VPS13B: variants seen among roughly 807,000 people sequenced by gnomAD.
VPS13B encodes intermembrane lipid transfer protein VPS13B.
VPS13B carries 285 observed loss-of-function variants against 426.4 expected under a neutral mutation model. The ratio of observed to expected loss-of-function variants is 0.67; its 90% CI spans 0.61 to 0.74. VPS13B has a LOEUF of 0.74. VPS13B is among the 30% of genes least tolerant of loss of function. The pLI is 0.00. For missense variants in VPS13B, 4,537 were observed against 4,782.6 expected, an observed-to-expected ratio of 0.95 and a Z score of 1.51; for synonymous variants, 1,676 against 1,676.4, an observed-to-expected ratio of 1.00 and a Z score of 0.01.
chr8:99,155,612 T>G (rs1811321168), intron 14 of VPS13B, among the ~76,000 whole-genome samples: 1 of 152,220 alleles, frequency 6.6e-6, no homozygotes, highest in African/African-American at 2.4e-5. Context: ...GTTTTAAAAT[T>G]ATTAGTAATG....
chr8:99,817,480 CAT>C, intron 44 of VPS13B, 58 bp from the exon 45 acceptor site: 1 of 1,586,462 alleles, frequency 6.3e-7, no homozygotes, highest in Non-Finnish European at 8.7e-7. Context: ...TGAATGATAA[CAT>C]ATTTCCAGTT....
chr8:99,534,506 T>C (rs1164217343), intron 30 of VPS13B, among the ~76,000 whole-genome samples: 1 of 152,212 alleles, frequency 6.6e-6, no homozygotes, highest in Non-Finnish European at 1.5e-5. Context: ...CTTTCTAATA[T>C]ATTTTGGTTA....
chr8:99,661,321 C>T lies in VPS13B; in HGVS notation c.5909-33C>T, dbSNP rs748894818. The T allele has an allele frequency of 2.1e-5, 34 of 1,612,562 alleles. No homozygotes were observed. The Admixed American group carries it at 5.7e-4, about 27-fold the overall frequency. On this transcript the variant is annotated intron_variant, in intron 34 of 61. Coordinates refer to ENST00000357162, the MANE Select transcript of VPS13B (RefSeq NM_152564.5). ...TCAAAATGAGATATTTGTGATGTAACTGATGTTTTTAATTTCAATTTTGTC... is the reference window on the plus strand; with the variant it reads ...TCAAAATGAGATATTTGTGATGTAATTGATGTTTTTAATTTCAATTTTGTC...
chr8:99,819,518 G>C lies in VPS13B; in HGVS notation c.8728G>C (p.Glu2910Gln). 6.2e-6 allele frequency: 10 copies of C among 1,613,800 alleles called. No homozygotes were observed. The highest frequency in any genetic ancestry group is 8.5e-6 in the Non-Finnish European group (10 of 1,179,882). The change falls in exon 48 of 62, where the codon GAA becomes CAA. Residue 2910 changes from glutamate to glutamine, a missense_variant. Physicochemically the swap from Glu to Gln is conservative, Grantham distance 29. Around this residue, in one of 2 missense-constraint regions of VPS13B, gnomAD observed 4,311 missense variants for 4,474.3 expected, o/e 0.96. Transcript: ENST00000357162. ...AGGCACAGTTAATCAGATCCTTGAC[G>C]AATTCTATGGGCCAGAAAAGTCGCT... ...PGGTVNQILD[E>Q]FYGPEKSLQP...
intron 19 of VPS13B, among the ~76,000 whole-genome samples, chr8:99,289,614 G>T (rs990686046): frequency 6.6e-6 from 1 of 152,066 alleles, no homozygotes; most frequent in Non-Finnish European, 1.5e-5. Flanking sequence ...GAAATAATGA[G>T]CTGTAGTTGA....
intron 8 of VPS13B, among the ~76,000 whole-genome samples, chr8:99,128,107 T>C (rs912695987): frequency 2.6e-5 from 4 of 152,030 alleles, no homozygotes; most frequent in Non-Finnish European, 4.4e-5. Flanking sequence ...AAAGGTTTGT[T>C]GGGCTGGGCA....
At position 99,635,700 on chromosome 8, in the gene VPS13B, T is replaced by C. The variant is rs191171680; in HGVS notation, c.5221-6111T>C. 6.6e-5 allele frequency among the ~76,000 whole-genome samples: 10 copies of C among 152,106 alleles called. No homozygotes were observed. In the East Asian group the frequency reaches 1.9e-3, roughly 29 times the overall value. Reference sequence around the variant, plus strand: ...AGCATCCATTTATTTGCAACATTTTTATTAATGAGCTGACATTTGAATATG... The same window carrying C: ...AGCATCCATTTATTTGCAACATTTTCATTAATGAGCTGACATTTGAATATG... On this transcript the variant is annotated intron_variant, in intron 33 of 61. Transcript: ENST00000357162.
chr8:99,556,283 T>C (rs959961249), intron 30 of VPS13B, among the ~76,000 whole-genome samples, 167 bp from the exon 31 acceptor site: 1 of 152,150 alleles, frequency 6.6e-6, no homozygotes, highest in Non-Finnish European at 1.5e-5. Context: ...AGTCATAATA[T>C]GTACTAACTT....
chr8:99,737,030 A>G (rs974410988), intron 39 of VPS13B, among the ~76,000 whole-genome samples: 1 of 146,116 alleles, frequency 6.8e-6, no homozygotes, highest in African/African-American at 2.5e-5. Context: ...AGGGATGGAT[A>G]TATACTTGTA....
intron 35 of VPS13B, among the ~76,000 whole-genome samples, chr8:99,662,366 A>C (rs913069608): frequency 5.9e-5 from 9 of 151,744 alleles, no homozygotes; most frequent in African/African-American, 1.9e-4. Context: ...TTGTTTTGTT[A>C]TTTTGTAGTT....
chr8:99,819,356 T>A, intron 47 of VPS13B, 56 bp from the exon 48 acceptor site: 2 of 1,589,288 alleles, frequency 1.3e-6, no homozygotes, highest in Non-Finnish European at 1.7e-6. Flanking sequence ...TTCAATAAAT[T>A]ATATACCACT....
chr8:99,647,590 AG>A (rs1829638468), intron 34 of VPS13B, among the ~76,000 whole-genome samples: 2 of 150,022 alleles, frequency 1.3e-5, no homozygotes, highest in Non-Finnish European at 1.5e-5. Context: ...AAAAAAAAAA[AG>A]GTTTAATAAT....
chr8:99,837,094 C>T (rs1038034381), intron 54 of VPS13B, among the ~76,000 whole-genome samples: 1 of 152,110 alleles, frequency 6.6e-6, no homozygotes, highest in Non-Finnish European at 1.5e-5. Context: ...CATTAAAGCT[C>T]CTGTGAAGTG....
intron 43 of VPS13B, among the ~76,000 whole-genome samples, chr8:99,808,508 C>CAAAAAAAAAAAAAAAAAAAAAAA (rs758638504): frequency 1.5e-5 from 1 of 64,944 alleles, no homozygotes; most frequent in Non-Finnish European, 3.2e-5. Flanking sequence ...GAGCGAGACT[C>CAAAAAAAAAAAAAAAAAAAAAAA]AAAAAAAAAA....
chr8:99,693,011 T>C (rs894361000), intron 35 of VPS13B, among the ~76,000 whole-genome samples: 10 of 146,550 alleles, frequency 6.8e-5, no homozygotes, highest in Non-Finnish European at 1.3e-4. Flanking sequence ...GTTGAATCTC[T>C]GAATAGACCA....
chr8:99,431,282 A>G (rs917891818), intron 21 of VPS13B, among the ~76,000 whole-genome samples: 1 of 152,224 alleles, frequency 6.6e-6, no homozygotes, highest in Non-Finnish European at 1.5e-5. Flanking sequence ...ATCACTTCAC[A>G]AGTCTACCTT....
At chr8:99,584,218 T>C (rs570638547) in intron 33 of VPS13B, among the ~76,000 whole-genome samples, 2 of 152,334 alleles carry the variant, frequency 1.3e-5, no homozygotes, top group East Asian at 3.9e-4. Context: ...TACATTGAAC[T>C]CTCACATCTG....
chr8:99,154,564 C>T lies in VPS13B; in HGVS notation c.2014-1985C>T, dbSNP rs1325743068. Among the ~76,000 whole-genome samples, 5 of 152,084 alleles carry T rather than the reference C, an allele frequency of 3.3e-5. No individual in the cohort carries two copies. The East Asian group carries it at 9.6e-4, about 29-fold the overall frequency. On this transcript the variant is annotated intron_variant, in intron 14 of 61. Transcript: ENST00000357162. ...AGATTGTTGGCTAATTCCTAAGCTG[C>T]CCATGTGTAATGCAAGACTTCAGGA...
chr8:99,829,161 G>T (rs1224447541), intron 51 of VPS13B, among the ~76,000 whole-genome samples: 1 of 152,102 alleles, frequency 6.6e-6, no homozygotes, highest in African/African-American at 2.4e-5. Flanking sequence ...TGCTGGGTTG[G>T]GGAAGTTCTG....
Sources: gnomAD v4.1 joint callset for allele counts (sites outside exome capture counted in the v4.1 genomes callset) on GRCh38, gnomAD v4.1.1 for gene constraint, gnomAD v4.1.1 regional missense constraint, MANE v1.5 for transcripts, NCBI Gene and HGNC (gene_info 2026-07-23, HGNC 2026-07-21) for gene names.